TCF3: variants seen among roughly 807,000 people sequenced by gnomAD.
TCF3 encodes transcription factor E2-alpha.
Under a neutral mutation model 72.3 loss-of-function variants are expected in TCF3, and 54 were observed. The ratio of observed to expected loss-of-function variants is 0.75; its 90% CI spans 0.60 to 0.94. TCF3 has a LOEUF of 0.94. Ranked by LOEUF, TCF3 falls within the 40% of genes least tolerant of loss-of-function variation. The pLI, the probability that TCF3 is intolerant of heterozygous loss-of-function variation, is 0.00. For synonymous variants in TCF3, 525 were observed against 412.6 expected (o/e 1.27, Z -3.30); for missense variants, 1,078 against 934.4 (o/e 1.15, Z -2.00).
At chr19:1,629,212 G>T (rs1313588651) in intron 5 of TCF3, among the ~76,000 whole-genome samples, 2 of 152,170 alleles carry the variant, frequency 1.3e-5, no homozygotes, top group South Asian at 2.1e-4. Context: ...GGCGTTGAGG[G>T]GCTGATGCCC....
chr19:1,641,721 G>A (rs1385805271), intron 3 of TCF3, among the ~76,000 whole-genome samples: 3 of 152,060 alleles, frequency 2.0e-5, no homozygotes, highest in Non-Finnish European at 2.9e-5. Flanking sequence ...CCAAAATGCT[G>A]GGATTATAGG....
Position 1,611,775 on chromosome 19 carries a change from G to T in TCF3, c.1897C>A (p.Pro633Thr), listed in dbSNP as rs755623369. The T allele has an allele frequency of 6.2e-7, 1 of 1,613,746 alleles. No individual in the cohort carries two copies. The highest frequency in any genetic ancestry group is 1.7e-5 in the Admixed American group (1 of 59,988). ...EEKVSGVVGD[P>T]QMVLSAPHPG... ...TGGGGAGCTGAAAGCACCATCTGGGGGTCTCCAACCACACCTGACACCTTT... is the reference window on the plus strand; with the variant it reads ...TGGGGAGCTGAAAGCACCATCTGGGTGTCTCCAACCACACCTGACACCTTT... Residue 633 changes from proline to threonine, a missense_variant, in exon 19 of 19, where the codon CCC (proline) becomes ACC (threonine). Coordinates refer to ENST00000262965, the MANE Select transcript of TCF3 (RefSeq NM_003200.5).
chr19:1,641,382 T>A (rs970066713), intron 3 of TCF3, among the ~76,000 whole-genome samples: 1 of 152,072 alleles, frequency 6.6e-6, no homozygotes, highest in Non-Finnish European at 1.5e-5. Flanking sequence ...TCTGGGAGGC[T>A]GAGGTAAGAG....
rs1388316639 is a variant in TCF3 at position 1,621,194 on chromosome 19, G to C, written c.956-3C>G. 1 of 1,535,614 alleles carries C rather than the reference G, an allele frequency of 6.5e-7. No individual in the cohort carries two copies. Among genetic ancestry groups the C allele is most frequent in the Non-Finnish European group, 8.7e-7 (1 of 1,146,134 alleles). On this transcript the variant is annotated splice_region_variant and splice_polypyrimidine_tract_variant and intron_variant, in intron 11 of 18. Coordinates refer to ENST00000262965, the MANE Select transcript of TCF3 (RefSeq NM_003200.5). ...GCCAGCTGTGGTCCCTCGGGAGCCT[G>C]TGGGTGAAGAGAGGTGAGGCCCACG...
intron 3 of TCF3, among the ~76,000 whole-genome samples, chr19:1,644,046 T>A (rs1177041703): frequency 2.9e-4 from 44 of 152,052 alleles, no homozygotes; most frequent in Non-Finnish European, 5.9e-5. Context: ...TGGGAAGGGA[T>A]CCCACAGCTC....
rs761828310 is a variant in TCF3, at chr19:1,615,236, G to A, written c.1822+49C>T. The A allele has an allele frequency of 2.0e-5, 30 of 1,530,004 alleles. No individual in the cohort carries two copies. The highest frequency in any genetic ancestry group is 1.8e-4 in the African/African-American group (13 of 72,522). 94.8% of individuals were successfully genotyped at this position (1,530,004 alleles called of 1,614,324 possible). On this transcript the variant is annotated intron_variant, in intron 18 of 18. Transcript: ENST00000262965. The surrounding 1 kb of genome is among the most constrained non-coding windows in gnomAD (Gnocchi z 7.3). Reference sequence around the variant, plus strand: ...GGAAGGAGAACGAGGGCAGGAACACGAGGGAGGGTGGCGCTGCAGGGACGC... The same window carrying A: ...GGAAGGAGAACGAGGGCAGGAACACAAGGGAGGGTGGCGCTGCAGGGACGC...
At chr19:1,623,299 C>T (rs565838527) in intron 8 of TCF3, among the ~76,000 whole-genome samples, 8 of 151,736 alleles carry the variant, frequency 5.3e-5, no homozygotes, top group African/African-American at 1.9e-4. Context: ...GGACCATCTG[C>T]GAGGCCTGGT....
chr19:1,625,621 A>G lies in TCF3; in HGVS notation c.454T>C (p.Ser152Pro). ...GMKGTSQYYP[S>P]YSGSSRRRAA... Reference sequence around the variant, plus strand: ...CTCCGCCGGGAGCTGCCGGAGTAGGAGGGGTAGTACTGGGAGGTCCCCTTC... The same window carrying G: ...CTCCGCCGGGAGCTGCCGGAGTAGGGGGGGTAGTACTGGGAGGTCCCCTTC... The change falls in exon 7 of 19, where the codon TCC becomes CCC. Residue 152 changes from serine to proline, a missense_variant. Ser to Pro is a moderately conservative substitution (Grantham distance 74, BLOSUM62 -1). Transcript: ENST00000262965. 6.3e-7 allele frequency: 1 copy of G among 1,580,058 alleles called. No individual in the cohort carries two copies. Among genetic ancestry groups the G allele is most frequent in the Non-Finnish European group, 8.6e-7 (1 of 1,165,814 alleles).
At chr19:1,629,512 C>T (rs1004390706) in intron 5 of TCF3, among the ~76,000 whole-genome samples, 6 of 151,786 alleles carry the variant, frequency 4.0e-5, no homozygotes, top group African/African-American at 7.3e-5. Context: ...GCCTGGGCTA[C>T]GGAGGGGAAC....
chr19:1,621,663 C>T (rs2062234544), intron 11 of TCF3, among the ~76,000 whole-genome samples, 175 bp downstream of exon 11: 1 of 152,220 alleles, frequency 6.6e-6, no homozygotes, highest in Non-Finnish European at 1.5e-5. Context: ...ACATCCCAAG[C>T]CCAACGCACG....
At chr19:1,644,021 G>A (rs1435363250) in intron 3 of TCF3, among the ~76,000 whole-genome samples, 2 of 152,226 alleles carry the variant, frequency 1.3e-5, no homozygotes, top group African/African-American at 4.8e-5. Context: ...ACTGTTCCAG[G>A]AAGAAGCCGA....
At position 1,619,958 on chromosome 19, in the gene TCF3, G is replaced by A. The variant is rs10424307; in HGVS notation, c.1094-105C>T. The A allele has an allele frequency of 8.5e-4, 892 of 1,044,620 alleles. 4 individuals carry two copies. The African/African-American group carries it at 0.011, about 13-fold the overall frequency. The allele number at this position is 1,044,620 out of a possible 1,614,324, so 64.7% of individuals were successfully genotyped here. On this transcript the variant is annotated intron_variant, in intron 13 of 18. Coordinates refer to ENST00000262965, the MANE Select transcript of TCF3 (RefSeq NM_003200.5). ...GAACCACCCCGCCTGTCCAGCCTCC[G>A]GTGATGCCCAAGATGGCCATTCCGG...
chr19:1,636,156 TA>T (rs2064374079), intron 3 of TCF3, among the ~76,000 whole-genome samples: 1 of 152,078 alleles, frequency 6.6e-6, no homozygotes, highest in Non-Finnish European at 1.5e-5. Flanking sequence ...AGCAGTATTT[TA>T]AAAAATTTTT....
At chr19:1,647,975 G>A (rs905791538) in intron 2 of TCF3, among the ~76,000 whole-genome samples, 1 of 152,132 alleles carries the variant, frequency 6.6e-6, no homozygotes, top group African/African-American at 2.4e-5. Flanking sequence ...TCGGTCCTAG[G>A]GACTCGCTCC....
intron 8 of TCF3, among the ~76,000 whole-genome samples, chr19:1,623,031 G>T (rs1433882201): frequency 6.6e-6 from 1 of 152,150 alleles, no homozygotes; most frequent in Admixed American, 6.6e-5. Flanking sequence ...TGCACCCTGG[G>T]GAAGGAGGGG....
intron 11 of TCF3, among the ~76,000 whole-genome samples, chr19:1,621,636 C>CA: frequency 6.6e-6 from 1 of 152,172 alleles, no homozygotes; most frequent in Non-Finnish European, 1.5e-5. Flanking sequence ...AGCCGCTCCT[C>CA]AAAGATCTGT....
intron 18 of TCF3, chr19:1,612,110 A>G: frequency 7.9e-7 from 1 of 1,272,688 alleles, no homozygotes; most frequent in Non-Finnish European, 1.1e-6. Context: ...AGACATGGAC[A>G]GAGTCCGGGG....
Position 1,610,996 on chromosome 19 carries a change from G to T in TCF3, c.*711C>A. The T allele has an allele frequency of 4.7e-6, 1 of 213,526 alleles. No individual in the cohort carries two copies. Among genetic ancestry groups the T allele is most frequent in the Non-Finnish European group, 9.3e-6 (1 of 108,010 alleles). The allele number at this position is 213,526 out of a possible 1,614,324, so 13.2% of individuals were successfully genotyped here. A position where few individuals can be genotyped will look rare whatever the true frequency, so the allele number is the denominator to read the frequency against. ...TAATACAACGTTTAATCATCTGGTT[G>T]ATCAAGAAATGCAATGCTCAGTCTA... is the stretch of plus-strand genomic sequence containing the variant. On this transcript the variant is annotated 3_prime_UTR_variant, in exon 19 of 19. Transcript: ENST00000262965.
rs1180908268 is a variant in TCF3, at chr19:1,651,797, G to A, written c.-40+503C>T. On this transcript the variant is annotated intron_variant, in intron 1 of 18. Coordinates refer to ENST00000262965, the MANE Select transcript of TCF3 (RefSeq NM_003200.5). ...TTAACGCGGAGCAGATGTTACCCGC[G>A]CGCCCCCCCCCGGCCCGCCCGGCCC... is the stretch of plus-strand genomic sequence containing the variant. 3.3e-5 allele frequency among the ~76,000 whole-genome samples: 5 copies of A among 151,566 alleles called. No individual in the cohort carries two copies. The East Asian group carries it at 9.8e-4, about 30-fold the overall frequency.
Sources: allele counts gnomAD v4.1 joint callset (sites outside exome capture counted in the v4.1 genomes callset), GRCh38; gene constraint gnomAD v4.1.1; non-coding constraint Gnocchi (gnomAD v3.1); transcripts MANE v1.5; gene names NCBI Gene and HGNC (gene_info 2026-07-23, HGNC 2026-07-21).